The following COX7B2 variants were observed in gnomAD, a reference collection of about 807,000 sequenced individuals.
COX7B2 encodes cytochrome c oxidase subunit 7B2, also known as cytochrome c oxidase subunit 7B2, mitochondrial.
For synonymous variants in COX7B2, 37 were observed against 32.1 expected (o/e 1.15, Z -0.51); for missense variants, 109 against 95.9 (o/e 1.14, Z -0.57).
In COX7B2 at chr4:46,896,461, C is replaced by A. The variant is rs569242993; in HGVS notation, c.-105+12699G>T. ...ATATGCTAATAAGTCTACATGTTTC[C>A]TAAAACAATTACACCAGCATTGTAA... On this transcript the variant is annotated intron_variant, in intron 1 of 2. Coordinates refer to ENST00000355591, the MANE Select transcript of COX7B2 (RefSeq NM_130902.3). 1.2e-4 allele frequency among the ~76,000 whole-genome samples: 18 copies of A among 152,108 alleles called. No homozygotes were observed. The South Asian group carries it at 3.3e-3, about 28-fold the overall frequency.
At chr4:46,793,402 A>G (rs1718151636) in intron 2 of COX7B2, among the ~76,000 whole-genome samples, 1 of 152,162 alleles carries the variant, frequency 6.6e-6, no homozygotes, top group South Asian at 2.1e-4. Flanking sequence ...CTTAGCCATT[A>G]GGCTGATGCC....
chr4:46,800,750 A>C (rs1489795044), intron 2 of COX7B2, among the ~76,000 whole-genome samples: 1 of 152,184 alleles, frequency 6.6e-6, no homozygotes, highest in East Asian at 1.9e-4. Flanking sequence ...TAAAATGGAC[A>C]AGTGGGACTT....
chr4:46,847,747 A>G (rs924270218), intron 1 of COX7B2, among the ~76,000 whole-genome samples: 1 of 152,096 alleles, frequency 6.6e-6, no homozygotes, highest in Non-Finnish European at 1.5e-5. Context: ...GAAAACCAAG[A>G]GAAAAGCATT....
intron 1 of COX7B2, among the ~76,000 whole-genome samples, chr4:46,878,819 A>G (rs568104012): frequency 1.3e-5 from 2 of 152,280 alleles, no homozygotes; most frequent in South Asian, 4.1e-4. Context: ...CTCTGAGGGC[A>G]TGACTCAGAG....
chr4:46,757,429 A>G (rs1035733591), intron 2 of COX7B2, among the ~76,000 whole-genome samples: 1 of 152,120 alleles, frequency 6.6e-6, no homozygotes, highest in African/African-American at 2.4e-5. Flanking sequence ...TGCATGTAAG[A>G]AACCTGCACT....
intron 2 of COX7B2, among the ~76,000 whole-genome samples, chr4:46,737,103 G>A (rs1276026364): frequency 6.6e-6 from 1 of 152,072 alleles, no homozygotes; most frequent in African/African-American, 2.4e-5. Context: ...TCCACATCCT[G>A]GCCAGCATTT....
chr4:46,755,264 C>A (rs1715716216), intron 2 of COX7B2, among the ~76,000 whole-genome samples: 1 of 151,880 alleles, frequency 6.6e-6, no homozygotes, highest in African/African-American at 2.4e-5. Flanking sequence ...TCCTCCTCAA[C>A]AAACTAGGCA....
chr4:46,892,477 T>C (rs1381675642), intron 1 of COX7B2, among the ~76,000 whole-genome samples: 1 of 152,152 alleles, frequency 6.6e-6, no homozygotes, highest in Non-Finnish European at 1.5e-5. Context: ...GTGACATGTA[T>C]TCTTTGCATA....
rs73813508 is a variant in COX7B2 at position 46,758,418 on chromosome 4, T to C, written c.-49-23177A>G. Reference sequence around the variant, plus strand: ...TTAGATGATAGTCAATTCATGTTTCTGCATGCTGGCAAGTACCTAAAGTAC... The same window carrying C: ...TTAGATGATAGTCAATTCATGTTTCCGCATGCTGGCAAGTACCTAAAGTAC... On this transcript the variant is annotated intron_variant, in intron 2 of 2. Transcript: ENST00000355591. Among the ~76,000 whole-genome samples, 393 of 152,264 alleles carry C rather than the reference T, an allele frequency of 2.6e-3. 2 individuals are homozygous for C. Among genetic ancestry groups the C allele is most frequent in the African/African-American group, 9.0e-3 (373 of 41,560 alleles).
intron 1 of COX7B2, among the ~76,000 whole-genome samples, chr4:46,846,398 A>G (rs1224962786): frequency 6.6e-6 from 1 of 152,022 alleles, no homozygotes; most frequent in Non-Finnish European, 1.5e-5. Context: ...AAAAAGGAGA[A>G]GGGAGAGCAG....
At chr4:46,804,183 C>G (rs143460689) in intron 2 of COX7B2, among the ~76,000 whole-genome samples, 1,675 of 152,216 alleles carry the variant, frequency 0.011, 20 homozygotes, top group Middle Eastern at 0.041. Context: ...TCACTAGCTT[C>G]AAGAGTGAAG....
intron 2 of COX7B2, among the ~76,000 whole-genome samples, chr4:46,789,346 GCTTCTCCAA>G (rs1472096125): frequency 1.3e-5 from 2 of 152,112 alleles, no homozygotes; most frequent in Non-Finnish European, 2.9e-5. Flanking sequence ...CCAATATTAT[GCTTCTCCAA>G]CTTGTTATGT....
chr4:46,824,928 T>C (rs952626155), intron 2 of COX7B2, among the ~76,000 whole-genome samples: 1 of 151,940 alleles, frequency 6.6e-6, no homozygotes, highest in Non-Finnish European at 1.5e-5. Flanking sequence ...CAACGTTATA[T>C]TGAATAGGCA....
At chr4:46,905,051 G>A (rs952689422) in intron 1 of COX7B2, among the ~76,000 whole-genome samples, 9 of 152,078 alleles carry the variant, frequency 5.9e-5, no homozygotes, top group Non-Finnish European at 1.2e-4. Context: ...TTAAAATGGG[G>A]AGTATAGAAA....
intron 2 of COX7B2, among the ~76,000 whole-genome samples, chr4:46,754,491 C>G (rs1436987707): frequency 4.1e-5 from 5 of 122,200 alleles, no homozygotes; most frequent in African/African-American, 1.6e-4. Flanking sequence ...CATGTTCTCA[C>G]TCATAGTTGG....
intron 2 of COX7B2, among the ~76,000 whole-genome samples, chr4:46,768,142 G>A (rs1436535914): frequency 6.6e-6 from 1 of 152,252 alleles, no homozygotes; most frequent in Non-Finnish European, 1.5e-5. Context: ...CAGTGTGACA[G>A]CCTCATGCAC....
intron 1 of COX7B2, among the ~76,000 whole-genome samples, chr4:46,863,691 T>G (rs1717475107): frequency 6.6e-6 from 1 of 152,222 alleles, no homozygotes; most frequent in South Asian, 2.1e-4. Context: ...ATGCTCCAGC[T>G]TTTTCATAGC....
intron 1 of COX7B2, among the ~76,000 whole-genome samples, chr4:46,900,224 G>C (rs1350832320): frequency 6.6e-6 from 1 of 152,094 alleles, no homozygotes; most frequent in African/African-American, 2.4e-5. Flanking sequence ...TAAGAGCCAG[G>C]GCTTGGAGAC....
At chr4:46,762,487 T>C (rs1301429253) in intron 2 of COX7B2, among the ~76,000 whole-genome samples, 1 of 139,030 alleles carries the variant, frequency 7.2e-6, no homozygotes, top group East Asian at 2.0e-4. Flanking sequence ...TACTATATAT[T>C]GTAAATATAT....
Sources: allele counts gnomAD v4.1 joint callset (sites outside exome capture counted in the v4.1 genomes callset), GRCh38; gene constraint gnomAD v4.1.1; transcripts MANE v1.5; gene names NCBI Gene and HGNC (gene_info 2026-07-23, HGNC 2026-07-21).